C3orf20: variants seen among roughly 807,000 people sequenced by gnomAD.
C3orf20 encodes uncharacterized protein C3orf20.
C3orf20 carries 76 observed loss-of-function variants against 88.3 expected under a neutral mutation model. That is an observed-to-expected ratio of 0.86 (90% confidence interval 0.72 to 1.04). C3orf20 has a LOEUF of 1.04. Ranked by LOEUF, C3orf20 falls within the 50% of genes least tolerant of loss-of-function variation. The pLI is 0.00. For synonymous variants in C3orf20, 436 were observed against 437.4 expected (o/e 1.00, Z 0.04); for missense variants, 1,056 against 1,123.3 (o/e 0.94, Z 0.86).
intron 5 of C3orf20, among the ~76,000 whole-genome samples, chr3:14,691,539 G>A (rs1326120427): frequency 6.6e-6 from 1 of 152,184 alleles, no homozygotes; most frequent in African/African-American, 2.4e-5. Context: ...TGTGGTTTCA[G>A]TTACCCATGG....
In C3orf20 at chr3:14,757,353, C is replaced by T; in HGVS notation, c.1941-18C>T. 1 of 1,603,950 alleles carries T rather than the reference C, an allele frequency of 6.2e-7. No homozygotes were observed. The highest frequency in any genetic ancestry group is 8.5e-7 in the Non-Finnish European group (1 of 1,175,246). ...ACCACCTTCTGAGGGTCCCTGTGCA[C>T]TGTGCTCCTCCTTGCAGAGGGAAGG... is the stretch of plus-strand genomic sequence containing the variant. On this transcript the variant is annotated intron_variant, in intron 12 of 16. Coordinates refer to ENST00000253697, the MANE Select transcript of C3orf20 (RefSeq NM_032137.5).
intron 15 of C3orf20, among the ~76,000 whole-genome samples, chr3:14,763,398 A>T (rs2035614139): frequency 6.6e-6 from 1 of 152,060 alleles, no homozygotes; most frequent in African/African-American, 2.4e-5. Flanking sequence ...GGCAGAAAGG[A>T]CAAGGGTCTC....
chr3:14,700,174 G>A (rs1378708978), intron 5 of C3orf20, among the ~76,000 whole-genome samples: 1 of 152,152 alleles, frequency 6.6e-6, no homozygotes, highest in Admixed American at 6.5e-5. Context: ...TACCTCTCCA[G>A]TGCCCCTTTC....
At chr3:14,693,735 A>G (rs2032841438) in intron 5 of C3orf20, among the ~76,000 whole-genome samples, 1 of 152,126 alleles carries the variant, frequency 6.6e-6, no homozygotes, top group Non-Finnish European at 1.5e-5. Flanking sequence ...ATATTGAATA[A>G]TGGTGGTGAA....
In C3orf20 at chr3:14,746,700, C is replaced by T. The variant is rs961324226; in HGVS notation, c.1941-10671C>T. Among the ~76,000 whole-genome samples the T allele has an allele frequency of 2.6e-5, 4 of 152,034 alleles. No homozygotes were observed. The East Asian group carries it at 7.7e-4, about 29-fold the overall frequency. On this transcript the variant is annotated intron_variant, in intron 12 of 16. Transcript: ENST00000253697. ...AAGGACCCTAGACACAATTGAGCAA[C>T]AAAGAGGCCATAAGGAAGGAAAAAA...
intron 4 of C3orf20, among the ~76,000 whole-genome samples, chr3:14,686,314 T>C (rs1280207890): frequency 6.6e-6 from 1 of 152,224 alleles, no homozygotes; most frequent in Non-Finnish European, 1.5e-5. Context: ...TAGATATCTC[T>C]TTGAAATACT....
In C3orf20 at chr3:14,682,795, C is replaced by T; in HGVS notation, c.82C>T (p.Leu28Phe). 1 of 1,614,200 alleles carries T rather than the reference C, an allele frequency of 6.2e-7. No individual in the cohort carries two copies. Among genetic ancestry groups the T allele is most frequent in the Non-Finnish European group, 8.5e-7 (1 of 1,180,032 alleles). ...CAAGCTACTGGCCCGCATCTCCAAA[C>T]TCCTCATGATCTGCCAGAATGCAGG... ...APKLLARISK[L>F]LMICQNAGIS... Residue 28 changes from leucine (L) to phenylalanine (F), a missense_variant, in exon 3 of 17, where the codon CTC becomes TTC. Coordinates refer to ENST00000253697, the MANE Select transcript of C3orf20 (RefSeq NM_032137.5).
intron 4 of C3orf20, among the ~76,000 whole-genome samples, chr3:14,685,187 A>G (rs2032329798): frequency 6.6e-6 from 1 of 152,222 alleles, no homozygotes; most frequent in African/African-American, 2.4e-5. Context: ...ATTTACAGAG[A>G]GAAATCTCCA....
chr3:14,722,403 A>G (rs1384145797), intron 10 of C3orf20: 5 of 448,074 alleles, frequency 1.1e-5, no homozygotes, highest in South Asian at 4.8e-5. Context: ...CTGGGGGCCA[A>G]TGTGTCAGAT....
At chr3:14,761,663 G>A in intron 15 of C3orf20, 48 bp downstream of exon 15, 1 of 1,601,670 alleles carries the variant, frequency 6.2e-7, no homozygotes, top group Non-Finnish European at 8.5e-7. Context: ...GGGAGGTATG[G>A]AGGGCAGAAA....
chr3:14,726,599 T>C (rs2034355834), intron 10 of C3orf20, among the ~76,000 whole-genome samples: 1 of 152,206 alleles, frequency 6.6e-6, no homozygotes, highest in East Asian at 1.9e-4. Flanking sequence ...AACACAGCTG[T>C]CACTTGGCAA....
chr3:14,722,316 T>G, intron 10 of C3orf20: 1 of 373,564 alleles, frequency 2.7e-6, no homozygotes, highest in Admixed American at 3.2e-5. Flanking sequence ...CTCTATTAAC[T>G]GCCCATGCGT....
rs76379763 is a variant in C3orf20, at chr3:14,718,687, G to T, written c.1435-2966G>T. Reference sequence around the variant, plus strand: ...CTGGTGTATTTCTCTGAAGAGTGTTGATATTCTTGTTTTAACAGGCAATGA... The same window carrying T: ...CTGGTGTATTTCTCTGAAGAGTGTTTATATTCTTGTTTTAACAGGCAATGA... On this transcript the variant is annotated intron_variant, in intron 9 of 16. Coordinates refer to ENST00000253697, the MANE Select transcript of C3orf20 (RefSeq NM_032137.5). Among the ~76,000 whole-genome samples, 285 of 152,306 alleles carry T rather than the reference G, an allele frequency of 1.9e-3. 11 individuals are homozygous for T. In the East Asian group the frequency reaches 0.05, roughly 27 times the overall value.
intron 1 of C3orf20, among the ~76,000 whole-genome samples, chr3:14,680,442 T>G (rs1057106811): frequency 6.6e-6 from 1 of 152,056 alleles, no homozygotes; most frequent in Non-Finnish European, 1.5e-5. Flanking sequence ...TTTTATGAAA[T>G]GTCCAGAACA....
intron 11 of C3orf20, 120 bp from the exon 12 acceptor site, chr3:14,728,319 A>T: frequency 8.5e-7 from 1 of 1,181,800 alleles, no homozygotes; most frequent in Non-Finnish European, 1.2e-6. Flanking sequence ...AGAATCAATG[A>T]GAGCGGAGGG....
chr3:14,721,605 G>A, intron 9 of C3orf20, 48 bp from the exon 10 acceptor site: 1 of 1,603,556 alleles, frequency 6.2e-7, no homozygotes, highest in Non-Finnish European at 8.5e-7. Flanking sequence ...AGGGGTGGCT[G>A]GGGCCGTTGA....
rs540090202 is a variant in C3orf20 at position 14,685,097 on chromosome 3, G to A, written c.625+715G>A. On this transcript the variant is annotated intron_variant, in intron 4 of 16. Coordinates refer to ENST00000253697, the MANE Select transcript of C3orf20 (RefSeq NM_032137.5). Reference sequence around the variant, plus strand: ...TTAATCCGAATGTTTATCAACAAGAGAAAAAGATATAAATTAAGGTCCATT... The same window carrying A: ...TTAATCCGAATGTTTATCAACAAGAAAAAAAGATATAAATTAAGGTCCATT... 4.6e-5 allele frequency among the ~76,000 whole-genome samples: 7 copies of A among 152,090 alleles called. No homozygotes were observed. In the South Asian group the frequency reaches 6.2e-4, roughly 14 times the overall value.
chr3:14,740,020 G>C (rs560453838), intron 12 of C3orf20, among the ~76,000 whole-genome samples: 1 of 152,248 alleles, frequency 6.6e-6, no homozygotes, highest in African/African-American at 2.4e-5. Flanking sequence ...AGGCTGTTTT[G>C]CTGTCTTATT....
chr3:14,733,005 A>T (rs1453791494), intron 12 of C3orf20, among the ~76,000 whole-genome samples: 3 of 151,486 alleles, frequency 2.0e-5, no homozygotes, highest in Non-Finnish European at 4.4e-5. Flanking sequence ...CTCTTTCTAG[A>T]CTCTGTTTTG....
Sources: gnomAD v4.1 joint callset for allele counts (sites outside exome capture counted in the v4.1 genomes callset) on GRCh38, gnomAD v4.1.1 for gene constraint, MANE v1.5 for transcripts, NCBI Gene and HGNC (gene_info 2026-07-23, HGNC 2026-07-21) for gene names.